Variants in ATP9B observed in about 807,000 individuals in gnomAD.
ATP9B encodes probable phospholipid-transporting ATPase IIB.
Under a neutral mutation model 146.1 loss-of-function variants are expected in ATP9B, and 110 were observed. That is an observed-to-expected ratio of 0.75 (90% CI 0.65 to 0.88). The LOEUF (loss-of-function observed/expected upper bound fraction) is 0.88, where lower values mean the gene tolerates loss of function less well. Ranked by LOEUF, ATP9B falls within the 40% of genes least tolerant of loss-of-function variation. The pLI is 0.00. For synonymous variants in ATP9B, 604 were observed against 569.7 expected (o/e 1.06, Z -0.86); for missense variants, 1,499 against 1,496.4 (o/e 1.00, Z -0.03).
In ATP9B at chr18:79,297,813, G is replaced by T. The variant is rs915290542; in HGVS notation, c.1412-5791G>T. Among the ~76,000 whole-genome samples the T allele has an allele frequency of 1.4e-4, 16 of 113,556 alleles. 1 individual carries two copies. Among genetic ancestry groups the T allele is most frequent in the Non-Finnish European group, 2.6e-4 (13 of 50,474 alleles). The allele number at this position is 113,556 out of a possible 152,430, so 74.5% of individuals were successfully genotyped here. On this transcript the variant is annotated intron_variant, in intron 13 of 29. Coordinates refer to ENST00000426216, the MANE Select transcript of ATP9B (RefSeq NM_198531.5). ...CGTGTAATAATTGTATCTAATGCTG[G>T]CCTGATCTGTAATTAGGAAGGAAAC...
At chr18:79,122,188 T>A (rs2094200976) in intron 4 of ATP9B, among the ~76,000 whole-genome samples, 1 of 152,184 alleles carries the variant, frequency 6.6e-6, no homozygotes, top group Non-Finnish European at 1.5e-5. Context: ...TTTAAAATAT[T>A]GTCTATACTA....
chr18:79,296,015 C>T (rs981931590), intron 13 of ATP9B, among the ~76,000 whole-genome samples: 1 of 152,186 alleles, frequency 6.6e-6, no homozygotes, highest in South Asian at 2.1e-4. Context: ...GGGTCTTGCT[C>T]TGTCACCTGG....
intron 4 of ATP9B, among the ~76,000 whole-genome samples, chr18:79,123,367 A>T (rs1245141806): frequency 6.6e-6 from 1 of 152,204 alleles, no homozygotes; most frequent in Non-Finnish European, 1.5e-5. Flanking sequence ...AAATTACATA[A>T]TGAAAGCTAT....
intron 1 of ATP9B, among the ~76,000 whole-genome samples, chr18:79,072,841 C>T (rs991017320): frequency 6.4e-4 from 96 of 151,052 alleles, no homozygotes; most frequent in African/African-American, 1.7e-3. Context: ...TCAGATGGGG[C>T]GGCCGGGCAG....
chr18:79,345,551 G>C lies in ATP9B; in HGVS notation c.2596G>C (p.Gly866Arg), dbSNP rs2096881486. Residue 866 changes from glycine (G) to arginine (R), a missense_variant, in exon 22 of 30, where the codon GGG becomes CGG. Gly to Arg is a moderately radical substitution (Grantham distance 125, BLOSUM62 -2). Transcript: ENST00000426216. ...TGTGACACTGCTGCAGCAGCACACAGGGAGACGCACCTGCGCCATCGGTGA... is the reference window on the plus strand; with the variant it reads ...TGTGACACTGCTGCAGCAGCACACACGGAGACGCACCTGCGCCATCGGTGA... ...RIVTLLQQHT[G>R]RRTCAIGDGG... is the part of the protein sequence containing the mutation. 1.2e-6 allele frequency: 2 copies of C among 1,609,754 alleles called. No homozygotes were observed. Among genetic ancestry groups the C allele is most frequent in the Non-Finnish European group, 1.7e-6 (2 of 1,180,022 alleles).
intron 11 of ATP9B, among the ~76,000 whole-genome samples, chr18:79,215,147 C>CAAAAAAAA (rs11444921): frequency 3.5e-5 from 4 of 115,762 alleles, no homozygotes; most frequent in Admixed American, 9.1e-5. Context: ...GATTCTGTCT[C>CAAAAAAAA]AAAAAAAAAA....
intron 13 of ATP9B, among the ~76,000 whole-genome samples, chr18:79,281,947 G>C (rs147848995): frequency 9.8e-5 from 15 of 152,340 alleles, no homozygotes; most frequent in Admixed American, 1.3e-4. Flanking sequence ...AAGAACATAC[G>C]TGGTACCTGG....
chr18:79,221,064 A>G (rs922127319), intron 11 of ATP9B, among the ~76,000 whole-genome samples: 2 of 152,208 alleles, frequency 1.3e-5, no homozygotes, highest in Admixed American at 6.5e-5. Context: ...TGGTTAAGCA[A>G]TTGACATTTT....
Position 79,126,250 on chromosome 18 carries a change from C to T in ATP9B, c.559-17C>T, listed in dbSNP as rs762769894. 1.0e-5 allele frequency: 16 copies of T among 1,557,936 alleles called. No individual in the cohort carries two copies. The highest frequency in any genetic ancestry group is 1.2e-5 in the South Asian group (1 of 81,708). ...TTAAAGTTTAGTTTTCTAAAAATAC[C>T]TTATTTTGTTTTATAGGGATTTGTC... On this transcript the variant is annotated splice_polypyrimidine_tract_variant and intron_variant, in intron 4 of 29. Coordinates refer to ENST00000426216, the MANE Select transcript of ATP9B (RefSeq NM_198531.5).
At chr18:79,177,053 A>G in intron 8 of ATP9B, 146 bp downstream of exon 8, 1 of 677,130 alleles carries the variant, frequency 1.5e-6, no homozygotes, top group South Asian at 2.3e-5. Flanking sequence ...GGTTCATTGA[A>G]GAATTGTGCC....
At position 79,122,915 on chromosome 18, in the gene ATP9B, T is replaced by A. The variant is rs2147146933; in HGVS notation, c.559-3352T>A. On this transcript the variant is annotated intron_variant, in intron 4 of 29. Coordinates refer to ENST00000426216, the MANE Select transcript of ATP9B (RefSeq NM_198531.5). ...CTATTGTATATTCTTCACTCTATTA[T>A]GGAGACGTTTATCATAATATAAAAA... Among the ~76,000 whole-genome samples the A allele has an allele frequency of 1.3e-5, 2 of 152,294 alleles. 1 individual carries two copies. Among genetic ancestry groups the A allele is most frequent in the African/African-American group, 4.8e-5 (2 of 41,576 alleles).
intron 2 of ATP9B, among the ~76,000 whole-genome samples, chr18:79,106,845 G>T (rs185309368): frequency 6.6e-6 from 1 of 152,308 alleles, no homozygotes; most frequent in East Asian, 1.9e-4. Flanking sequence ...TGATGGTGAC[G>T]TTAAGGTTTC....
At chr18:79,313,357 A>G (rs2096663026) in intron 15 of ATP9B, among the ~76,000 whole-genome samples, 1 of 152,224 alleles carries the variant, frequency 6.6e-6, no homozygotes, top group South Asian at 2.1e-4. Context: ...AACACAGGTC[A>G]TGAGCAACCG....
Position 79,110,324 on chromosome 18 carries a change from A to T in ATP9B, c.294-31A>T, listed in dbSNP as rs373917546. 178 of 1,504,336 alleles carry T rather than the reference A, an allele frequency of 1.2e-4. 1 individual carries two copies. The African/African-American group carries it at 2.3e-3, about 19-fold the overall frequency. The allele number at this position is 1,504,336 out of a possible 1,614,324, so 93.2% of individuals were successfully genotyped here. A position where few individuals can be genotyped will look rare whatever the true frequency, so the allele number is the denominator to read the frequency against. ...GAACTTTTTTAAAAAGCAAAAAAAAATACACAATACGTATCTTTTGTTTCA... is the reference window on the plus strand; with the variant it reads ...GAACTTTTTTAAAAAGCAAAAAAAATTACACAATACGTATCTTTTGTTTCA... On this transcript the variant is annotated intron_variant, in intron 2 of 29. Transcript: ENST00000426216.
chr18:79,154,974 C>T (rs2094752028), intron 7 of ATP9B, among the ~76,000 whole-genome samples: 1 of 152,196 alleles, frequency 6.6e-6, no homozygotes, highest in African/African-American at 2.4e-5. Flanking sequence ...ATAATCCTTT[C>T]AGGACCTAGG....
At chr18:79,242,474 C>T (rs2095899050) in intron 11 of ATP9B, among the ~76,000 whole-genome samples, 1 of 152,232 alleles carries the variant, frequency 6.6e-6, no homozygotes, top group Non-Finnish European at 1.5e-5. Flanking sequence ...GGCTTCCTGA[C>T]ATGCATCATT....
In ATP9B at chr18:79,298,667, C is replaced by T. The variant is rs1368373780; in HGVS notation, c.1412-4937C>T. ...AAGAAGAAAGTTGAAGGACTCACTACCAGATTTCAAGACTTAAATAAGCTG... is the reference window on the plus strand; with the variant it reads ...AAGAAGAAAGTTGAAGGACTCACTATCAGATTTCAAGACTTAAATAAGCTG... On this transcript the variant is annotated intron_variant, in intron 13 of 29. Coordinates refer to ENST00000426216, the MANE Select transcript of ATP9B (RefSeq NM_198531.5). Among the ~76,000 whole-genome samples the T allele has an allele frequency of 2.7e-5, 4 of 146,922 alleles. 1 individual carries two copies. The highest frequency in any genetic ancestry group is 1.0e-4 in the African/African-American group (4 of 39,970).
intron 26 of ATP9B, among the ~76,000 whole-genome samples, chr18:79,365,858 C>T (rs1330097920): frequency 2.8e-5 from 4 of 140,580 alleles, no homozygotes; most frequent in South Asian, 2.3e-4. Context: ...ACAGCTTGTG[C>T]GTGGATGGAA....
chr18:79,142,102 A>G (rs951252774), intron 5 of ATP9B, among the ~76,000 whole-genome samples: 26 of 152,228 alleles, frequency 1.7e-4, no homozygotes, highest in Admixed American at 9.2e-4. Context: ...TTAGCTTTCT[A>G]ATACTTTGTT....
Sources: gnomAD v4.1 joint callset for allele counts (sites outside exome capture counted in the v4.1 genomes callset) on GRCh38, gnomAD v4.1.1 for gene constraint, MANE v1.5 for transcripts, NCBI Gene and HGNC (gene_info 2026-07-23, HGNC 2026-07-21) for gene names.